Variants in PAN3 observed in about 807,000 individuals in gnomAD.
PAN3 encodes PAN2-PAN3 deadenylation complex subunit PAN3.
PAN3 carries 19 observed loss-of-function variants against 96.2 expected under a neutral mutation model. The ratio of observed to expected loss-of-function variants is 0.20; its 90% confidence interval spans 0.14 to 0.29. The LOEUF (loss-of-function observed/expected upper bound fraction) is 0.29. PAN3 is among the 10% of genes least tolerant of loss of function. The probability of loss-of-function intolerance (pLI) is 1.00; values close to 1 mark genes in which losing one functional copy is unlikely to be tolerated. For missense variants in PAN3, 882 were observed against 1,108.1 expected (o/e 0.80, Z 2.90); for synonymous variants, 433 against 406.6 (o/e 1.06, Z -0.78).
intron 4 of PAN3, among the ~76,000 whole-genome samples, chr13:28,183,981 G>A (rs753950023): frequency 1.3e-5 from 2 of 152,100 alleles, no homozygotes; most frequent in Non-Finnish European, 2.9e-5. Flanking sequence ...TACTCACTCT[G>A]TATCAGGCTG....
intron 4 of PAN3, among the ~76,000 whole-genome samples, chr13:28,191,590 T>G (rs1310794550): frequency 5.9e-5 from 9 of 152,260 alleles, no homozygotes; most frequent in Admixed American, 3.3e-4. Context: ...AACCCTAACC[T>G]AGACTACTGC....
intron 6 of PAN3, among the ~76,000 whole-genome samples, chr13:28,252,159 A>AT (rs1340004327): frequency 7.5e-6 from 1 of 134,164 alleles, no homozygotes; most frequent in African/African-American, 2.8e-5. Flanking sequence ...AAGTGCTGGG[A>AT]TTATATGTGT....
At chr13:28,234,402 T>A (rs1882886756) in intron 6 of PAN3, among the ~76,000 whole-genome samples, 1 of 152,098 alleles carries the variant, frequency 6.6e-6, no homozygotes, top group Non-Finnish European at 1.5e-5. Context: ...AAATTAAAAT[T>A]TTTCATGTTT....
intron 6 of PAN3, among the ~76,000 whole-genome samples, chr13:28,235,274 C>T (rs1164592501): frequency 6.6e-6 from 1 of 152,126 alleles, no homozygotes; most frequent in East Asian, 1.9e-4. Flanking sequence ...AGGAAGTTTC[C>T]CACCATTATT....
At chr13:28,280,675 C>T (rs2138718818) in intron 16 of PAN3, 134 bp downstream of exon 16, 2 of 744,648 alleles carry the variant, frequency 2.7e-6, no homozygotes, top group Non-Finnish European at 4.0e-6. Flanking sequence ...GAGTCTCCTG[C>T]CTCAGCCTCC....
intron 1 of PAN3, among the ~76,000 whole-genome samples, chr13:28,144,378 A>G (rs1381299410): frequency 6.6e-6 from 1 of 151,370 alleles, no homozygotes; most frequent in African/African-American, 2.4e-5. Flanking sequence ...CCACGCCCAG[A>G]TAATTTTTTT....
At chr13:28,180,052 T>C (rs1000785197) in intron 4 of PAN3, among the ~76,000 whole-genome samples, 4 of 152,170 alleles carry the variant, frequency 2.6e-5, no homozygotes, top group Admixed American at 6.5e-5. Context: ...CAGACTAATA[T>C]AGAAAAATGA....
chr13:28,141,531 GAT>G (rs1324533071), intron 1 of PAN3, among the ~76,000 whole-genome samples: 1 of 124,722 alleles, frequency 8.0e-6, no homozygotes, highest in Admixed American at 1.0e-4. Flanking sequence ...GCAATCTAGT[GAT>G]CTCGGCTCAC....
chr13:28,237,157 A>G (rs1175688715), intron 6 of PAN3, among the ~76,000 whole-genome samples: 1 of 151,190 alleles, frequency 6.6e-6, no homozygotes, highest in Non-Finnish European at 1.5e-5. Context: ...GGGCTGGAAC[A>G]TGGAAAAATT....
At chr13:28,180,068 C>T (rs1202283901) in intron 4 of PAN3, among the ~76,000 whole-genome samples, 2 of 152,064 alleles carry the variant, frequency 1.3e-5, no homozygotes, top group Non-Finnish European at 2.9e-5. Context: ...AATGAGCACT[C>T]TACTGTGATA....
chr13:28,152,911 G>C (rs1871553359), intron 1 of PAN3, among the ~76,000 whole-genome samples: 1 of 152,158 alleles, frequency 6.6e-6, no homozygotes, highest in South Asian at 2.1e-4. Context: ...GTGTTTGTGT[G>C]GGTATGGGGG....
intron 6 of PAN3, among the ~76,000 whole-genome samples, chr13:28,250,309 C>T (rs1884600346): frequency 6.6e-6 from 1 of 152,044 alleles, no homozygotes; most frequent in South Asian, 2.1e-4. Context: ...AATCCTTCCA[C>T]CTCAGCCTCT....
chr13:28,254,255 G>A lies in PAN3; in HGVS notation c.1001-2037G>A, dbSNP rs376129496. ...TTATGTTGCTGAATTACCTATATTT[G>A]TCCTTACAGTAATTATTTTGATCTT... On this transcript the variant is annotated intron_variant, in intron 6 of 18. Coordinates refer to ENST00000380958, the MANE Select transcript of PAN3 (RefSeq NM_175854.8). Among the ~76,000 whole-genome samples, 52 of 152,230 alleles carry A rather than the reference G, an allele frequency of 3.4e-4. No individual in the cohort carries two copies. In the South Asian group the frequency reaches 0.011, roughly 32 times the overall value.
At chr13:28,259,046 G>A (rs1300350176) in intron 7 of PAN3, among the ~76,000 whole-genome samples, 1 of 152,034 alleles carries the variant, frequency 6.6e-6, no homozygotes, top group Admixed American at 6.6e-5. Flanking sequence ...CTGACTATGT[G>A]ACATTTCTTC....
intron 4 of PAN3, among the ~76,000 whole-genome samples, chr13:28,193,412 A>T (rs1336561136): frequency 1.3e-5 from 2 of 152,150 alleles, no homozygotes; most frequent in Non-Finnish European, 2.9e-5. Flanking sequence ...TAATGAGTGC[A>T]GTTAAAGAGG....
intron 14 of PAN3, among the ~76,000 whole-genome samples, chr13:28,273,939 A>G (rs1303007646): frequency 6.6e-6 from 1 of 152,254 alleles, no homozygotes. Context: ...AATGAGAAGT[A>G]GAGTCTAATC....
At chr13:28,236,058 T>C (rs1883077159) in intron 6 of PAN3, among the ~76,000 whole-genome samples, 1 of 152,098 alleles carries the variant, frequency 6.6e-6, no homozygotes, top group Non-Finnish European at 1.5e-5. Context: ...CGTATTTATT[T>C]CCTCCACTAA....
chr13:28,273,476 C>T (rs973526977), intron 14 of PAN3, among the ~76,000 whole-genome samples: 22 of 152,128 alleles, frequency 1.4e-4, no homozygotes, highest in Non-Finnish European at 2.8e-4. Flanking sequence ...GTGGCACACA[C>T]CTGTAGTCCA....
chr13:28,265,072 T>G (rs1886046732), intron 9 of PAN3, among the ~76,000 whole-genome samples: 1 of 152,356 alleles, frequency 6.6e-6, no homozygotes, highest in South Asian at 2.1e-4. Context: ...AATCCTGTAT[T>G]AAGTGCTCCT....
Sources: allele counts gnomAD v4.1 joint callset (sites outside exome capture counted in the v4.1 genomes callset), GRCh38; gene constraint gnomAD v4.1.1; transcripts MANE v1.5; gene names NCBI Gene and HGNC (gene_info 2026-07-23, HGNC 2026-07-21).